Variants in DLG1 observed in about 807,000 individuals in gnomAD.
DLG1 encodes the protein discs large MAGUK scaffold protein 1.
Under a neutral mutation model 123.4 loss-of-function variants are expected in DLG1, and 42 were observed. That is an observed-to-expected ratio of 0.34 (90% CI 0.27 to 0.44). The LOEUF (loss-of-function observed/expected upper bound fraction) is 0.44. Among genes scored for constraint, DLG1 ranks in the 20% least tolerant of loss-of-function variants. DLG1 has a pLI of 1.00. For missense variants in DLG1, 942 were observed against 1,082.6 expected, an observed-to-expected ratio of 0.87 and a Z score of 1.82; for synonymous variants, 317 against 356.2, an observed-to-expected ratio of 0.89 and a Z score of 1.24.
intron 4 of DLG1, among the ~76,000 whole-genome samples, chr3:197,241,558 C>T (rs965694600): frequency 2.6e-5 from 4 of 152,220 alleles, no homozygotes; most frequent in Middle Eastern, 3.4e-3. Context: ...AATCCACTCA[C>T]GACTCTAGTA....
intron 17 of DLG1, among the ~76,000 whole-genome samples, chr3:197,077,079 TATTC>T (rs1431705707): frequency 6.6e-6 from 1 of 152,202 alleles, no homozygotes; most frequent in Non-Finnish European, 1.5e-5. Context: ...AATTACATTT[TATTC>T]ATTATCTTCA....
chr3:197,248,944 T>C (rs1183201821), intron 4 of DLG1, among the ~76,000 whole-genome samples: 1 of 152,132 alleles, frequency 6.6e-6, no homozygotes, highest in Non-Finnish European at 1.5e-5. Flanking sequence ...ATCACTCCAC[T>C]GCACTCTGGC....
At chr3:197,258,474 T>C (rs1478791362) in intron 4 of DLG1, among the ~76,000 whole-genome samples, 8 of 152,168 alleles carry the variant, frequency 5.3e-5, no homozygotes, top group Non-Finnish European at 1.2e-4. Context: ...TTGCTTTAGC[T>C]CAACCCACAT....
At chr3:197,189,030 TC>T (rs1717735237) in intron 5 of DLG1, among the ~76,000 whole-genome samples, 1 of 152,180 alleles carries the variant, frequency 6.6e-6, no homozygotes, top group Non-Finnish European at 1.5e-5. Context: ...AGGTAGAAAT[TC>T]CCCAAACGAA....
chr3:197,229,609 C>T (rs1234338445), intron 4 of DLG1, among the ~76,000 whole-genome samples: 1 of 152,136 alleles, frequency 6.6e-6, no homozygotes, highest in East Asian at 1.9e-4. Flanking sequence ...TTATCTAACT[C>T]AGCAATCTTC....
chr3:197,287,355 A>T (rs532488584), intron 3 of DLG1, among the ~76,000 whole-genome samples: 1 of 152,350 alleles, frequency 6.6e-6, no homozygotes. Context: ...ATGCATTAAA[A>T]TGTTAAAGTC....
intron 4 of DLG1, among the ~76,000 whole-genome samples, chr3:197,202,783 T>G (rs1359814619): frequency 2.0e-5 from 3 of 152,204 alleles, no homozygotes; most frequent in African/African-American, 7.2e-5. Context: ...TAAGGAGATG[T>G]GAGCATTATT....
chr3:197,297,153 C>T (rs769223516), intron 2 of DLG1, 33 bp downstream of exon 2: 1 of 1,613,406 alleles, frequency 6.2e-7, no homozygotes, highest in South Asian at 1.1e-5. Context: ...AAGCAAGTGA[C>T]ATCGACAACA....
chr3:197,053,639 G>A (rs535460488), intron 23 of DLG1, among the ~76,000 whole-genome samples: 1 of 151,994 alleles, frequency 6.6e-6, no homozygotes, highest in Non-Finnish European at 1.5e-5. Flanking sequence ...GGGCACAGTG[G>A]TGAGTCCCTG....
intron 4 of DLG1, among the ~76,000 whole-genome samples, chr3:197,229,095 G>T (rs1741480558): frequency 6.6e-6 from 1 of 152,138 alleles, no homozygotes; most frequent in South Asian, 2.1e-4. Flanking sequence ...AGAAGCCAGG[G>T]ATGCTACTAA....
At chr3:197,115,828 T>C (rs1379519115) in intron 13 of DLG1, 99 bp downstream of exon 13, 21 of 1,151,980 alleles carry the variant, frequency 1.8e-5, no homozygotes, top group African/African-American at 3.2e-5. Flanking sequence ...ATAACCAAGA[T>C]ATCCCCATTA....
At chr3:197,119,577 A>G in intron 11 of DLG1, 47 bp from the exon 12 acceptor site, 1 of 1,542,622 alleles carries the variant, frequency 6.5e-7, no homozygotes, top group Non-Finnish European at 8.8e-7. Flanking sequence ...GAAACAAGCC[A>G]ATCAGTATTC....
At chr3:197,054,656 CT>C (rs1730430982) in intron 23 of DLG1, among the ~76,000 whole-genome samples, 1 of 150,254 alleles carries the variant, frequency 6.7e-6, no homozygotes, top group Admixed American at 6.6e-5. Context: ...TTTCCTTTAT[CT>C]TTTTGGAGAC....
At chr3:197,169,050 T>G (rs561005065) in intron 5 of DLG1, among the ~76,000 whole-genome samples, 1 of 152,358 alleles carries the variant, frequency 6.6e-6, no homozygotes, top group East Asian at 1.9e-4. Context: ...CTCTATAGCT[T>G]TATATTTTAA....
rs927089713 is a variant in DLG1 at position 197,043,776 on chromosome 3, T to C, written c.*847A>G. 2 of 152,228 alleles carry C rather than the reference T, an allele frequency of 1.3e-5. No individual in the cohort carries two copies. The highest frequency in any genetic ancestry group is 6.5e-5 in the Admixed American group (1 of 15,280). 9.4% of individuals were successfully genotyped at this position (152,228 alleles called of 1,614,324 possible). A position where few individuals can be genotyped will look rare whatever the true frequency, so the allele number is the denominator to read the frequency against. On this transcript the variant is annotated 3_prime_UTR_variant, in exon 25 of 25. Coordinates refer to ENST00000667157, the MANE Select transcript of DLG1 (RefSeq NM_001366207.1). Reference sequence around the variant, plus strand: ...AGGCTATGAATTGGACTCCTTTCCATTGCCATGATGGTTACTACGTCACCA... The same window carrying C: ...AGGCTATGAATTGGACTCCTTTCCACTGCCATGATGGTTACTACGTCACCA...
chr3:197,079,700 A>AT (rs957758261), intron 17 of DLG1, among the ~76,000 whole-genome samples: 2 of 152,156 alleles, frequency 1.3e-5, no homozygotes, highest in African/African-American at 4.8e-5. Flanking sequence ...TTTACCTGGG[A>AT]TTTTTCCTCT....
At chr3:197,106,605 TAAAG>T (rs1766571748) in intron 13 of DLG1, among the ~76,000 whole-genome samples, 1 of 152,096 alleles carries the variant, frequency 6.6e-6, no homozygotes, top group Non-Finnish European at 1.5e-5. Context: ...GCAAGAAATA[TAAAG>T]AAAGACAGGT....
intron 4 of DLG1, among the ~76,000 whole-genome samples, chr3:197,203,373 A>G (rs182423781): frequency 6.6e-6 from 1 of 152,352 alleles, no homozygotes; most frequent in East Asian, 1.9e-4. Flanking sequence ...TCAAAATATT[A>G]CAGTATCTCC....
At chr3:197,069,480 GT>G in intron 18 of DLG1, 1 of 354,430 alleles carries the variant, frequency 2.8e-6, no homozygotes, top group Non-Finnish European at 5.0e-6. Flanking sequence ...GTACAACACA[GT>G]TTATGAACAA....
Sources: gnomAD v4.1 joint callset for allele counts (sites outside exome capture counted in the v4.1 genomes callset) on GRCh38, gnomAD v4.1.1 for gene constraint, MANE v1.5 for transcripts, NCBI Gene and HGNC (gene_info 2026-07-23, HGNC 2026-07-21) for gene names.